ETF1: variants seen among roughly 807,000 people sequenced by gnomAD.
ETF1 encodes eukaryotic translation termination factor 1, also known as eukaryotic peptide chain release factor subunit 1.
ETF1 carries 4 observed loss-of-function variants against 55.1 expected under a neutral mutation model. That is an observed-to-expected ratio of 0.07 (90% CI 0.04 to 0.17). ETF1 has a LOEUF of 0.17. ETF1 is among the 10% of genes least tolerant of loss of function. The probability of loss-of-function intolerance (pLI) is 1.00; values close to 1 mark genes in which losing one functional copy is unlikely to be tolerated. For missense variants in ETF1, 142 were observed against 523.6 expected, an observed-to-expected ratio of 0.27 and a Z score of 7.11; for synonymous variants, 157 against 182.3, an observed-to-expected ratio of 0.86 and a Z score of 1.12.
chr5:138,512,669 AT>A, intron 6 of ETF1, 94 bp downstream of exon 6: 1 of 1,171,836 alleles, frequency 8.5e-7, no homozygotes, highest in Non-Finnish European at 1.2e-6. Context: ...AACCCAAGGA[AT>A]TTTAAAAAGA....
At position 138,541,803 on chromosome 5, in the gene ETF1, T is replaced by C. The variant is rs1473368388; in HGVS notation, c.86+1030A>G. On this transcript the variant is annotated intron_variant, in intron 2 of 10. Coordinates refer to ENST00000360541, the MANE Select transcript of ETF1 (RefSeq NM_004730.4). ...ACTTCCTGTAAGTAAAAAGTTTCTA[T>C]GACTGGGAAAGGAACAAAATAAAGT... 1.5e-5 allele frequency: 8 copies of C among 530,544 alleles called. No homozygotes were observed. The South Asian group carries it at 1.5e-4, about 10-fold the overall frequency. 32.9% of individuals were successfully genotyped at this position (530,544 alleles called of 1,614,324 possible). A position where few individuals can be genotyped will look rare whatever the true frequency, so the allele number is the denominator to read the frequency against.
At chr5:138,542,243 G>A (rs1435702843) in intron 2 of ETF1, among the ~76,000 whole-genome samples, 2 of 152,168 alleles carry the variant, frequency 1.3e-5, no homozygotes, top group African/African-American at 2.4e-5. Context: ...GCTAAAACCA[G>A]GAAGCTCCGG....
intron 6 of ETF1, 102 bp downstream of exon 6, chr5:138,512,662 C>T (rs926553206): frequency 1.2e-5 from 13 of 1,099,616 alleles, no homozygotes; most frequent in Non-Finnish European, 1.6e-5. Flanking sequence ...AGTTTTTAAC[C>T]CAAGGAATTT....
chr5:138,542,645 G>T, intron 2 of ETF1, 188 bp downstream of exon 2: 1 of 1,429,024 alleles, frequency 7.0e-7, no homozygotes, highest in East Asian at 2.6e-5. Flanking sequence ...CCCATGCGGG[G>T]AAAGGACCCC....
chr5:138,520,935 CA>C (rs968793284), intron 2 of ETF1, among the ~76,000 whole-genome samples: 14 of 147,812 alleles, frequency 9.5e-5, no homozygotes, highest in South Asian at 4.3e-4. Flanking sequence ...GTAGCTCTTC[CA>C]AAAAAAAAAA....
At chr5:138,524,647 G>A (rs1396603366) in intron 2 of ETF1, among the ~76,000 whole-genome samples, 2 of 145,416 alleles carry the variant, frequency 1.4e-5, no homozygotes, top group African/African-American at 2.6e-5. Flanking sequence ...GCGCGATCTC[G>A]GCTCACTGTA....
intron 6 of ETF1, 187 bp downstream of exon 6, chr5:138,512,577 G>C (rs1581019581): frequency 2.1e-6 from 1 of 482,562 alleles, no homozygotes; most frequent in Non-Finnish European, 3.5e-6. Flanking sequence ...GATTTCAGAA[G>C]AGAAGGGGTT....
intron 6 of ETF1, among the ~76,000 whole-genome samples, chr5:138,512,256 ATATTTT>A (rs1478331328): frequency 3.7e-4 from 7 of 18,878 alleles, no homozygotes; most frequent in African/African-American, 1.6e-3. Context: ...ATATATATAT[ATATTTT>A]TTTTTTTTTT....
chr5:138,517,906 T>A (rs1003778020), intron 3 of ETF1: 2 of 984,772 alleles, frequency 2.0e-6, no homozygotes, highest in African/African-American at 3.5e-5. Context: ...ATTTATTCTT[T>A]AAAGTAAACA....
rs1561829882 is a variant in ETF1 at position 138,512,242 on chromosome 5, ATATATATATATATATATT to A, written c.732+504_732+521del. ...AAAAAAAAAATATATATATATATAT[ATATATATATATATATATT>A]TTTTTTTTTTTTTAAAGGCAATTTC... is the stretch of plus-strand genomic sequence containing the variant. On this transcript the variant is annotated intron_variant, in intron 6 of 10. Transcript: ENST00000360541. 1.6e-3 allele frequency among the ~76,000 whole-genome samples: 11 copies of A among 6,884 alleles called. 1 individual carries two copies. The highest frequency in any genetic ancestry group is 4.1e-3 in the African/African-American group (11 of 2,666). The allele number at this position is 6,884 out of a possible 152,430, so 4.5% of individuals were successfully genotyped here. A position where few individuals can be genotyped will look rare whatever the true frequency, so the allele number is the denominator to read the frequency against.
intron 8 of ETF1, 25 bp from the exon 9 acceptor site, chr5:138,510,654 T>C (rs760923330): frequency 3.7e-6 from 6 of 1,612,798 alleles, no homozygotes; most frequent in Non-Finnish European, 5.1e-6. Context: ...GGAAAAAATG[T>C]GTTAACCTGG....
At chr5:138,526,319 T>C (rs1045853511) in intron 2 of ETF1, among the ~76,000 whole-genome samples, 4 of 152,148 alleles carry the variant, frequency 2.6e-5, no homozygotes, top group Non-Finnish European at 5.9e-5. Context: ...ATAAACCCCC[T>C]ATATTAGCTT....
intron 9 of ETF1, among the ~76,000 whole-genome samples, chr5:138,510,059 A>G (rs937789003): frequency 3.4e-5 from 5 of 145,420 alleles, no homozygotes; most frequent in African/African-American, 1.2e-4. Context: ...ACCCTATCTC[A>G]AAGAAAAAAA....
intron 5 of ETF1, 97 bp from the exon 6 acceptor site, chr5:138,513,051 A>C (rs1220990830): frequency 7.1e-7 from 1 of 1,403,386 alleles, no homozygotes; most frequent in East Asian, 2.8e-5. Flanking sequence ...ATCTAAGAAA[A>C]GGACAAAGAA....
intron 2 of ETF1, chr5:138,541,614 T>C: frequency 6.5e-7 from 1 of 1,529,484 alleles, no homozygotes; most frequent in South Asian, 1.2e-5. Flanking sequence ...AAATTGCAAA[T>C]CTACCCATAA....
At chr5:138,524,946 T>C (rs1246708700) in intron 2 of ETF1, among the ~76,000 whole-genome samples, 1 of 151,974 alleles carries the variant, frequency 6.6e-6, no homozygotes, top group South Asian at 2.1e-4. Context: ...TGGAAGTTAA[T>C]TTTATTATAT....
chr5:138,524,226 G>A (rs1339767910), intron 2 of ETF1, among the ~76,000 whole-genome samples: 3 of 151,018 alleles, frequency 2.0e-5, no homozygotes, highest in African/African-American at 2.4e-5. Flanking sequence ...GGTGGCACAC[G>A]CCTGTAATTC....
intron 2 of ETF1, among the ~76,000 whole-genome samples, chr5:138,533,426 G>A (rs1452529358): frequency 1.3e-5 from 2 of 151,676 alleles, no homozygotes; most frequent in Non-Finnish European, 2.9e-5. Context: ...AGTGGCTCAC[G>A]CCTGTAATCC....
intron 2 of ETF1, 93 bp downstream of exon 2, chr5:138,542,740 G>C: frequency 1.9e-6 from 3 of 1,556,018 alleles, no homozygotes; most frequent in South Asian, 2.3e-5. Context: ...GCTAGTGCCT[G>C]GTTCTCCTCA....
Sources: allele counts gnomAD v4.1 joint callset (sites outside exome capture counted in the v4.1 genomes callset), GRCh38; gene constraint gnomAD v4.1.1; transcripts MANE v1.5; gene names NCBI Gene and HGNC (gene_info 2026-07-23, HGNC 2026-07-21).